TTK: variants seen among roughly 807,000 people sequenced by gnomAD.
TTK encodes dual specificity protein kinase TTK.
TTK carries 59 observed loss-of-function variants against 117.3 expected under a neutral mutation model. The ratio of observed to expected loss-of-function variants is 0.50; its 90% CI spans 0.41 to 0.62. The LOEUF (loss-of-function observed/expected upper bound fraction) is 0.62, where lower values mean the gene tolerates loss of function less well. Ranked by LOEUF, TTK falls within the 20% of genes least tolerant of loss-of-function variation. TTK has a pLI of 0.00. For missense variants in TTK, 921 were observed against 989.4 expected (o/e 0.93, Z 0.93); for synonymous variants, 302 against 325.0 (o/e 0.93, Z 0.76).
At chr6:80,008,298 A>G in intron 3 of TTK, 88 bp from the exon 4 acceptor site, 1 of 1,317,032 alleles carries the variant, frequency 7.6e-7, no homozygotes, top group Non-Finnish European at 1.1e-6. Context: ...GCAATATCCC[A>G]TGTTTTTTGG....
intron 10 of TTK, 22 bp from the exon 11 acceptor site, chr6:80,022,302 A>T (rs752511863): frequency 1.2e-6 from 2 of 1,601,158 alleles, no homozygotes; most frequent in Non-Finnish European, 1.7e-6. Flanking sequence ...TTGCTTTTTA[A>T]TGACAACAAA....
At chr6:80,021,586 C>T (rs546422443) in intron 10 of TTK, among the ~76,000 whole-genome samples, 1 of 152,298 alleles carries the variant, frequency 6.6e-6, no homozygotes, top group African/African-American at 2.4e-5. Flanking sequence ...ACCATTTCAA[C>T]TTTTTGGGCT....
chr6:80,025,939 A>T (rs987308382), intron 11 of TTK, among the ~76,000 whole-genome samples: 7 of 151,738 alleles, frequency 4.6e-5, no homozygotes, highest in African/African-American at 1.7e-4. Flanking sequence ...AGGACACAAG[A>T]TAGGCATTTG....
intron 17 of TTK, among the ~76,000 whole-genome samples, chr6:80,037,179 G>A (rs1767926989): frequency 6.6e-6 from 1 of 152,136 alleles, no homozygotes; most frequent in South Asian, 2.1e-4. Flanking sequence ...TTGGAACCAA[G>A]ATGATATGTT....
intron 9 of TTK, 55 bp downstream of exon 9, chr6:80,013,421 A>G: frequency 7.1e-7 from 1 of 1,412,334 alleles, no homozygotes; most frequent in Non-Finnish European, 9.8e-7. Flanking sequence ...TGGGAGGATC[A>G]GTATTCATGG....
chr6:80,038,900 G>A (rs591012), intron 18 of TTK, among the ~76,000 whole-genome samples: 102,086 of 151,836 alleles, frequency 0.67, 34,897 homozygotes, highest in East Asian at 0.79. Flanking sequence ...TTGAGTACTT[G>A]TGATAACCAG....
intron 13 of TTK, among the ~76,000 whole-genome samples, chr6:80,028,273 T>C (rs1277278903): frequency 6.6e-6 from 1 of 151,514 alleles, no homozygotes; most frequent in African/African-American, 2.4e-5. Flanking sequence ...CTCTTATGAA[T>C]CAAGGTTACC....
At chr6:80,018,833 C>T (rs1420719177) in intron 10 of TTK, among the ~76,000 whole-genome samples, 2 of 152,014 alleles carry the variant, frequency 1.3e-5, no homozygotes, top group Non-Finnish European at 2.9e-5. Flanking sequence ...AGTTTTGTCC[C>T]TACTTTTTGT....
intron 9 of TTK, 24 bp downstream of exon 9, chr6:80,013,390 A>G (rs1767217975): frequency 6.4e-7 from 1 of 1,558,096 alleles, no homozygotes; most frequent in Non-Finnish European, 8.7e-7. Context: ...ATATCATTAT[A>G]TAAAGCAAGG....
intron 2 of TTK, among the ~76,000 whole-genome samples, chr6:80,006,714 A>G (rs1428999021): frequency 6.6e-6 from 1 of 152,184 alleles, no homozygotes; most frequent in Non-Finnish European, 1.5e-5. Flanking sequence ...TGAGGAATGC[A>G]TCTGCAAAGC....
intron 14 of TTK, among the ~76,000 whole-genome samples, chr6:80,033,920 G>A (rs1767823166): frequency 6.6e-6 from 1 of 152,034 alleles, no homozygotes; most frequent in Non-Finnish European, 1.5e-5. Flanking sequence ...TCAAGGTATT[G>A]AGACTTAATA....
chr6:80,031,731 A>T (rs61060954), intron 14 of TTK, among the ~76,000 whole-genome samples, 172 bp downstream of exon 14: 9,284 of 152,088 alleles, frequency 0.061, 922 homozygotes, highest in African/African-American at 0.21. Context: ...CTCACATGTG[A>T]CATATCCTCT....
chr6:80,041,016 T>C (rs2251783), intron 21 of TTK, among the ~76,000 whole-genome samples: 91,209 of 151,576 alleles, frequency 0.6, 27,773 homozygotes, highest in Admixed American at 0.72. Flanking sequence ...CCATTATTAA[T>C]ACAGCTTTTG....
chr6:80,010,490 T>C (rs1192787419), intron 4 of TTK, among the ~76,000 whole-genome samples: 1 of 150,732 alleles, frequency 6.6e-6, no homozygotes, highest in Non-Finnish European at 1.5e-5. Context: ...TGGCCTTTGC[T>C]GTCCCCTGTT....
intron 13 of TTK, 115 bp from the exon 14 acceptor site, chr6:80,031,352 A>G (rs1481462994): frequency 9.9e-6 from 5 of 505,242 alleles, no homozygotes; most frequent in Non-Finnish European, 1.3e-5. Context: ...ATATTGTAAC[A>G]TTTCTAATTA....
chr6:80,008,088 G>T, intron 3 of TTK, 57 bp downstream of exon 3: 6 of 1,523,164 alleles, frequency 3.9e-6, no homozygotes, highest in Non-Finnish European at 5.3e-6. Context: ...TAACTACACT[G>T]CAAAGAGAGA....
chr6:80,022,495 A>G (rs777016242), intron 11 of TTK, 23 bp downstream of exon 11: 11 of 1,605,214 alleles, frequency 6.9e-6, no homozygotes, highest in Non-Finnish European at 8.5e-6. Context: ...CTAAAGTACA[A>G]TATTGCTTTT....
chr6:80,021,275 C>T (rs1272564637), intron 10 of TTK, among the ~76,000 whole-genome samples: 1 of 152,204 alleles, frequency 6.6e-6, no homozygotes, highest in African/African-American at 2.4e-5. Context: ...GCTGCAGGGT[C>T]AGCTAGCCAT....
At chr6:80,029,830 A>G (rs1480025753) in intron 13 of TTK, among the ~76,000 whole-genome samples, 3 of 152,240 alleles carry the variant, frequency 2.0e-5, no homozygotes, top group South Asian at 2.1e-4. Context: ...CAGAGTTCAC[A>G]TTAGTGTTGA....
Sources: gnomAD v4.1 joint callset for allele counts (sites outside exome capture counted in the v4.1 genomes callset) on GRCh38, gnomAD v4.1.1 for gene constraint, MANE v1.5 for transcripts, NCBI Gene and HGNC (gene_info 2026-07-23, HGNC 2026-07-21) for gene names.